The following HEATR4 variants were observed in gnomAD, a reference collection of about 807,000 sequenced individuals.
The protein encoded by HEATR4 is HEAT repeat containing 4.
A neutral mutation model predicts 108.8 loss-of-function variants in HEATR4; 95 were observed. The observed-to-expected ratio is 0.87, with a 90% CI of 0.74 to 1.04. HEATR4 has a LOEUF of 1.04. HEATR4 is among the 50% of genes least tolerant of loss of function. HEATR4 has a pLI of 0.00. For synonymous variants in HEATR4, 443 were observed against 459.4 expected (o/e 0.96, Z 0.46); for missense variants, 1,152 against 1,253.8 (o/e 0.92, Z 1.23).
intron 11 of HEATR4, among the ~76,000 whole-genome samples, chr14:73,501,156 T>C (rs1886428088): frequency 6.6e-6 from 1 of 152,246 alleles, no homozygotes; most frequent in African/African-American, 2.4e-5. Flanking sequence ...TCTCGCTCTG[T>C]TGCCCAGGCT....
chr14:73,547,929 C>T lies in HEATR4; in HGVS notation c.-152+10822G>A, dbSNP rs1405737308. Among the ~76,000 whole-genome samples, 2 of 113,844 alleles carry T rather than the reference C, an allele frequency of 1.8e-5. 1 individual carries two copies. Among genetic ancestry groups the T allele is most frequent in the Non-Finnish European group, 3.8e-5 (2 of 52,282 alleles). The allele number at this position is 113,844 out of a possible 152,430, so 74.7% of individuals were successfully genotyped here. On this transcript the variant is annotated intron_variant, in intron 1 of 17. Transcript: ENST00000553558. ...AAAGTGTACAAAGAGATGGTTGTGG[C>T]GGGTTGTTTTTGTTTTTGTTTTAAG...
At chr14:73,506,801 A>ATTTTTTTTTTTTTTTTTTTTT (rs1443951000) in intron 9 of HEATR4, among the ~76,000 whole-genome samples, 1 of 65,446 alleles carries the variant, frequency 1.5e-5, no homozygotes, top group Non-Finnish European at 2.6e-5. Context: ...CCTGACTTTA[A>ATTTTTTTTTTTTTTTTTTTTT]CTGTTTTTTT....
intron 17 of HEATR4, chr14:73,491,487 C>T (rs1429998853): frequency 6.7e-7 from 1 of 1,501,244 alleles, no homozygotes; most frequent in South Asian, 1.3e-5. Context: ...CACTTAGCGG[C>T]CGTCCAGTCG....
In HEATR4 at chr14:73,533,788, G is replaced by A. The variant is rs767404006; in HGVS notation, c.-151-3544C>T. Among the ~76,000 whole-genome samples, 5 of 108,826 alleles carry A rather than the reference G, an allele frequency of 4.6e-5. 1 individual carries two copies. The highest frequency in any genetic ancestry group is 6.0e-5 in the African/African-American group (2 of 33,378). 71.4% of individuals were successfully genotyped at this position (108,826 alleles called of 152,430 possible). On this transcript the variant is annotated intron_variant, in intron 1 of 17. Transcript: ENST00000553558. ...ATGGGCTTGTTCCAGCAGCTCATGCGTGTAATTCTAGCGCTTTGAGAGGCC... is the reference window on the plus strand; with the variant it reads ...ATGGGCTTGTTCCAGCAGCTCATGCATGTAATTCTAGCGCTTTGAGAGGCC...
At chr14:73,526,227 C>T (rs1888328179) in intron 2 of HEATR4, among the ~76,000 whole-genome samples, 1 of 152,202 alleles carries the variant, frequency 6.6e-6, no homozygotes, top group South Asian at 2.1e-4. Context: ...CTGGCACCCA[C>T]AGAGGACACA....
the HEATR4 span, among the ~76,000 whole-genome samples, chr14:73,566,977 G>A: frequency 6.6e-6 from 1 of 152,060 alleles, no homozygotes; most frequent in Non-Finnish European, 1.5e-5. Flanking sequence ...TTAATTTCTT[G>A]TATTTTTTTT....
At chr14:73,491,675 C>A in intron 17 of HEATR4, 1 of 1,550,016 alleles carries the variant, frequency 6.5e-7, no homozygotes, top group Non-Finnish European at 8.7e-7. Context: ...TCACTTTTAC[C>A]GGCGCCTATG....
chr14:73,629,945 C>T, the HEATR4 span, among the ~76,000 whole-genome samples: 1 of 151,830 alleles, frequency 6.6e-6, no homozygotes, highest in Non-Finnish European at 1.5e-5. Flanking sequence ...CCACACCCGG[C>T]CCCAGATTAC....
chr14:73,617,068 C>A, the HEATR4 span: 1 of 1,411,362 alleles, frequency 7.1e-7, no homozygotes, highest in South Asian at 1.2e-5. Context: ...AGCCTCCTGG[C>A]CGGACATGGT....
rs761023526 is a variant in HEATR4 at position 73,512,061 on chromosome 14, TGTG to T, written c.1500_1502del (p.Thr501del). The T allele has an allele frequency of 6.8e-6, 11 of 1,613,922 alleles. No individual in the cohort carries two copies. In the African/African-American group the frequency reaches 1.1e-4, roughly 16 times the overall value. On this transcript the variant is annotated inframe_deletion, in exon 7 of 18. Transcript: ENST00000553558. ...GCCGTTCCAAAGCAGCTGTGGCACA[TGTG>T]GTGATAGCTTTGATCCGAACGTCAT...
At position 73,500,613 on chromosome 14, in the gene HEATR4, G is replaced by A. The variant is rs1462870448; in HGVS notation, c.2223C>T (p.Asp741=). 6 of 1,614,066 alleles carry A rather than the reference G, an allele frequency of 3.7e-6. No individual in the cohort carries two copies. The highest frequency in any genetic ancestry group is 1.3e-5 in the African/African-American group (1 of 74,940). ...AGGCTGCCCGCCGAACTGCTGTGAAGTCATCAGAGAAGCAGTGCAGGAAGC... is the reference window on the plus strand; with the variant it reads ...AGGCTGCCCGCCGAACTGCTGTGAAATCATCAGAGAAGCAGTGCAGGAAGC... ...LPSFLHCFSD[D]FTAVRRAACL... Residue 741 remains aspartate, a synonymous_variant, in exon 12 of 18, where the codon GAC becomes GAT. Coordinates refer to ENST00000553558, the MANE Select transcript of HEATR4 (RefSeq NM_001220484.1).
At chr14:73,617,230 G>A in the HEATR4 span, 1 of 1,613,754 alleles carries the variant, frequency 6.2e-7, no homozygotes. Context: ...GAAGAGAGGG[G>A]ATAGAGCTGA....
the HEATR4 span, among the ~76,000 whole-genome samples, chr14:73,629,884 A>T: frequency 0.99 from 151,098 of 151,998 alleles, 75,106 homozygotes; most frequent in East Asian, 1. Context: ...CCTGACTTTG[A>T]GATCCGCCCT....
the HEATR4 span, among the ~76,000 whole-genome samples, chr14:73,589,341 T>C: frequency 1.3e-5 from 2 of 152,124 alleles, no homozygotes; most frequent in Admixed American, 6.6e-5. Flanking sequence ...TTCCTTTTTT[T>C]GAAAGTTTCG....
At chr14:73,570,895 C>G in the HEATR4 span, among the ~76,000 whole-genome samples, 3 of 104,534 alleles carry the variant, frequency 2.9e-5, no homozygotes, top group African/African-American at 3.8e-5. Flanking sequence ...ACAAGAGTGA[C>G]TCTATCTTAA....
rs1476236510 is a variant in HEATR4 at position 73,534,248 on chromosome 14, A to G, written c.-151-4004T>C. Reference sequence around the variant, plus strand: ...ACAAAAATCAGCTGGCCGTGGTGGCATGTGACTGTAATCCCAGCTACTCAA... The same window carrying G: ...ACAAAAATCAGCTGGCCGTGGTGGCGTGTGACTGTAATCCCAGCTACTCAA... On this transcript the variant is annotated intron_variant, in intron 1 of 17. Transcript: ENST00000553558. Among the ~76,000 whole-genome samples, 5 of 111,428 alleles carry G rather than the reference A, an allele frequency of 4.5e-5. 2 individuals carry two copies. The highest frequency in any genetic ancestry group is 9.7e-5 in the Non-Finnish European group (5 of 51,598). The allele number at this position is 111,428 out of a possible 152,430, so 73.1% of individuals were successfully genotyped here.
chr14:73,619,916 T>TCC, the HEATR4 span: 2 of 1,407,034 alleles, frequency 1.4e-6, no homozygotes, highest in Non-Finnish European at 1.9e-6. Context: ...TTCTTTCTTT[T>TCC]CTCTTTTTTT....
At chr14:73,585,820 CTTTTTT>C in the HEATR4 span, among the ~76,000 whole-genome samples, 1 of 115,570 alleles carries the variant, frequency 8.7e-6, no homozygotes, top group Non-Finnish European at 1.7e-5. Context: ...TTGTCTTTTT[CTTTTTT>C]TTTTTTTTTT....
the HEATR4 span, among the ~76,000 whole-genome samples, chr14:73,570,340 C>G: frequency 1.3e-5 from 2 of 151,688 alleles, no homozygotes; most frequent in African/African-American, 4.8e-5. Context: ...GAAGTCTCGG[C>G]GGGCAGATCA....
Sources: allele counts gnomAD v4.1 joint callset (sites outside exome capture counted in the v4.1 genomes callset), GRCh38; gene constraint gnomAD v4.1.1; transcripts MANE v1.5; gene names NCBI Gene and HGNC (gene_info 2026-07-23, HGNC 2026-07-21).